The following ARID5B variants were observed in gnomAD, a reference collection of about 807,000 sequenced individuals.
The protein encoded by ARID5B is AT-rich interaction domain 5B, also known as AT-rich interactive domain-containing protein 5B.
ARID5B carries 13 observed loss-of-function variants against 97.2 expected under a neutral mutation model. The observed-to-expected ratio is 0.13, with a 90% confidence interval of 0.09 to 0.21. ARID5B has a LOEUF of 0.21. Ranked by LOEUF, ARID5B falls within the 10% of genes least tolerant of loss-of-function variation. ARID5B has a pLI of 1.00. For synonymous variants in ARID5B, 556 were observed against 570.3 expected, an observed-to-expected ratio of 0.97 and a Z score of 0.36; for missense variants, 1,210 against 1,465.3, an observed-to-expected ratio of 0.83 and a Z score of 2.84.
chr10:62,007,281 A>C (rs958769320), intron 4 of ARID5B, among the ~76,000 whole-genome samples: 1 of 152,188 alleles, frequency 6.6e-6, no homozygotes, highest in Non-Finnish European at 1.5e-5. Flanking sequence ...CTTGAACTGT[A>C]GGTGAGGCTG....
intron 3 of ARID5B, among the ~76,000 whole-genome samples, chr10:61,986,933 G>C (rs746630637): frequency 6.6e-6 from 1 of 152,154 alleles, no homozygotes; most frequent in African/African-American, 2.4e-5. Context: ...GGAACCCAAG[G>C]CTTAACAAAA....
At chr10:61,902,844 T>C (rs1843641084) in intron 2 of ARID5B, among the ~76,000 whole-genome samples, 1 of 152,078 alleles carries the variant, frequency 6.6e-6, no homozygotes, top group African/African-American at 2.4e-5. Flanking sequence ...GGTTTCGATA[T>C]TGTTCTTTTT....
chr10:61,915,120 C>A (rs1350775886), intron 2 of ARID5B, among the ~76,000 whole-genome samples: 8 of 152,162 alleles, frequency 5.3e-5, no homozygotes, highest in African/African-American at 1.9e-4. Flanking sequence ...ACAGGTAATA[C>A]ACTTTGAAAG....
intron 8 of ARID5B, among the ~76,000 whole-genome samples, chr10:62,083,313 G>GAAA (rs35831175): frequency 1.4e-4 from 18 of 128,810 alleles, no homozygotes; most frequent in African/African-American, 2.1e-4. Flanking sequence ...AAGAAAAAAT[G>GAAA]AAAAAAAAAA....
rs895501816 is a variant in ARID5B at position 62,096,714 on chromosome 10, A to T, written c.*3684A>T. 1 of 233,480 alleles carries T rather than the reference A, an allele frequency of 4.3e-6. No homozygotes were observed. The highest frequency in any genetic ancestry group is 2.2e-5 in the African/African-American group (1 of 45,346). The allele number at this position is 233,480 out of a possible 1,614,324, so 14.5% of individuals were successfully genotyped here. A position where few individuals can be genotyped will look rare whatever the true frequency, so the allele number is the denominator to read the frequency against. ...GCAACATGGCCCAGTGATATTATATAGTTTCCCAATGGAGAGGTTATTGAG... is the reference window on the plus strand; with the variant it reads ...GCAACATGGCCCAGTGATATTATATTGTTTCCCAATGGAGAGGTTATTGAG... On this transcript the variant is annotated 3_prime_UTR_variant, in exon 10 of 10. Coordinates refer to ENST00000279873, the MANE Select transcript of ARID5B (RefSeq NM_032199.3).
chr10:61,931,084 G>C (rs922393633), intron 2 of ARID5B, among the ~76,000 whole-genome samples: 3 of 152,096 alleles, frequency 2.0e-5, no homozygotes, highest in Non-Finnish European at 2.9e-5. Context: ...ATGCTACAAA[G>C]AAGTTAAAGA....
At chr10:61,929,614 G>T (rs1844169022) in intron 2 of ARID5B, among the ~76,000 whole-genome samples, 1 of 152,182 alleles carries the variant, frequency 6.6e-6, no homozygotes, top group Admixed American at 6.5e-5. Flanking sequence ...GGGCTAGTGT[G>T]GTGGCTTTGC....
intron 2 of ARID5B, among the ~76,000 whole-genome samples, chr10:61,930,083 T>C (rs753918975): frequency 1.3e-5 from 2 of 151,940 alleles, no homozygotes; most frequent in African/African-American, 2.4e-5. Flanking sequence ...GGGTGAGCAC[T>C]GGAATCCCCA....
intron 8 of ARID5B, among the ~76,000 whole-genome samples, chr10:62,081,532 A>G (rs1392785971): frequency 2.6e-5 from 4 of 152,228 alleles, no homozygotes; most frequent in Non-Finnish European, 5.9e-5. Context: ...ATGTTGTGTA[A>G]TAAAGATGAA....
At chr10:61,996,424 T>G (rs1285915419) in intron 3 of ARID5B, among the ~76,000 whole-genome samples, 1 of 152,110 alleles carries the variant, frequency 6.6e-6, no homozygotes. Context: ...AGTTCAAAGA[T>G]TGGGTTATAA....
chr10:61,915,419 A>G (rs1843883726), intron 2 of ARID5B, among the ~76,000 whole-genome samples: 1 of 152,200 alleles, frequency 6.6e-6, no homozygotes, highest in Non-Finnish European at 1.5e-5. Flanking sequence ...AGGTCTCAGG[A>G]GGCATTTTAG....
intron 3 of ARID5B, among the ~76,000 whole-genome samples, chr10:61,961,024 A>AT (rs1838463556): frequency 6.6e-6 from 1 of 152,182 alleles, no homozygotes; most frequent in East Asian, 1.9e-4. Flanking sequence ...GCTTATGGAC[A>AT]TTTTTCTGGT....
At chr10:62,043,765 C>T (rs1439482542) in intron 4 of ARID5B, among the ~76,000 whole-genome samples, 1 of 152,160 alleles carries the variant, frequency 6.6e-6, no homozygotes, top group South Asian at 2.1e-4. Context: ...TTACTAAAAC[C>T]TTGATCAGGA....
chr10:61,940,085 C>T, intron 2 of ARID5B, 98 bp from the exon 3 acceptor site: 1 of 1,077,598 alleles, frequency 9.3e-7, no homozygotes, highest in Non-Finnish European at 1.4e-6. Context: ...TAGGTTAAAC[C>T]ACTCACATGG....
intron 3 of ARID5B, among the ~76,000 whole-genome samples, chr10:61,969,451 C>G (rs1838593820): frequency 6.6e-6 from 1 of 151,674 alleles, no homozygotes; most frequent in African/African-American, 2.4e-5. Context: ...TAATAAGTGT[C>G]TACAACAAAA....
intron 8 of ARID5B, among the ~76,000 whole-genome samples, chr10:62,071,551 T>C (rs1326177558): frequency 7.7e-5 from 3 of 38,860 alleles, no homozygotes; most frequent in Non-Finnish European, 1.4e-4. Context: ...AAGTATCACA[T>C]GGTAAAAAAA....
chr10:62,039,963 G>A (rs1173858970), intron 4 of ARID5B, among the ~76,000 whole-genome samples: 1 of 152,210 alleles, frequency 6.6e-6, no homozygotes, highest in Non-Finnish European at 1.5e-5. Context: ...TCAATAGTTG[G>A]AGATTAAGAA....
At chr10:62,075,035 A>G (rs182839523) in intron 8 of ARID5B, among the ~76,000 whole-genome samples, 1 of 152,340 alleles carries the variant, frequency 6.6e-6, no homozygotes, top group Admixed American at 6.5e-5. Context: ...GGAAATTTAG[A>G]AAACTCGTCT....
chr10:62,045,670 C>CG (rs1839698689), intron 4 of ARID5B, among the ~76,000 whole-genome samples: 1 of 151,966 alleles, frequency 6.6e-6, no homozygotes, highest in African/African-American at 2.4e-5. Context: ...AGGCTGGTCT[C>CG]GAACTCCTGA....
Sources: gnomAD v4.1 joint callset for allele counts (sites outside exome capture counted in the v4.1 genomes callset) on GRCh38, gnomAD v4.1.1 for gene constraint, MANE v1.5 for transcripts, NCBI Gene and HGNC (gene_info 2026-07-23, HGNC 2026-07-21) for gene names.